PCDHGA2: variants seen among roughly 807,000 people sequenced by gnomAD.
PCDHGA2 encodes protocadherin gamma subfamily A, 2, also known as protocadherin gamma-A2.
In PCDHGA2, 40 loss-of-function variants were observed where a neutral mutation model predicts 59.2. The ratio of observed to expected loss-of-function variants is 0.68; its 90% CI spans 0.52 to 0.88. The LOEUF is 0.88. Ranked by LOEUF, PCDHGA2 falls within the 40% of genes least tolerant of loss-of-function variation. The pLI, the probability that PCDHGA2 is intolerant of heterozygous loss-of-function variation, is 0.00. For synonymous variants in PCDHGA2, 560 were observed against 526.0 expected (o/e 1.06, Z -0.89); for missense variants, 1,226 against 1,204.0 (o/e 1.02, Z -0.27).
At chr5:141,406,072 C>CTT (rs530474569) in intron 1 of PCDHGA2, among the ~76,000 whole-genome samples, 28 of 141,510 alleles carry the variant, frequency 2.0e-4, no homozygotes, top group East Asian at 4.1e-4. Context: ...ATTCTTACTC[C>CTT]TTTTTTTTTT....
chr5:141,364,955 G>T (rs267600453), intron 1 of PCDHGA2: 1 of 1,613,906 alleles, frequency 6.2e-7, no homozygotes, highest in East Asian at 2.2e-5. Context: ...GACTGTTCAC[G>T]ACCTCCTCCT....
chr5:141,432,452 C>G lies in PCDHGA2; in HGVS notation c.2425-62355C>G. The G allele has an allele frequency of 6.2e-7, 1 of 1,614,212 alleles. No individual in the cohort carries two copies. The highest frequency in any genetic ancestry group is 8.5e-7 in the Non-Finnish European group (1 of 1,180,042). On this transcript the variant is annotated intron_variant, in intron 1 of 3. Coordinates refer to ENST00000394576, the MANE Select transcript of PCDHGA2 (RefSeq NM_018915.4). The surrounding 1 kb of genome is among the most constrained non-coding windows in gnomAD (Gnocchi z 6.0). ...CGACAATGCGCCCGAGATCCTGTACCCCGCCCTCCCCACGGACGGTTCCAC... is the reference window on the plus strand; with the variant it reads ...CGACAATGCGCCCGAGATCCTGTACGCCGCCCTCCCCACGGACGGTTCCAC...
intron 1 of PCDHGA2, chr5:141,423,241 G>C: frequency 6.2e-7 from 1 of 1,613,954 alleles, no homozygotes; most frequent in Non-Finnish European, 8.5e-7. Context: ...CATCCCCGAA[G>C]TCCTGGCGGA....
chr5:141,478,100 C>T, intron 1 of PCDHGA2: 1 of 1,614,124 alleles, frequency 6.2e-7, no homozygotes, highest in Non-Finnish European at 8.5e-7. Context: ...CACTGCTACC[C>T]TCACTGTGTC....
chr5:141,419,300 T>G (rs2096356436), intron 1 of PCDHGA2: 3 of 1,613,998 alleles, frequency 1.9e-6, no homozygotes, highest in Non-Finnish European at 2.5e-6. Context: ...TGACCCAGAC[T>G]TCGGGCTCAA....
chr5:141,374,464 T>C, intron 1 of PCDHGA2: 1 of 1,613,434 alleles, frequency 6.2e-7, no homozygotes, highest in Non-Finnish European at 8.5e-7. Flanking sequence ...TGGACATTAA[T>C]GACAATACAC....
chr5:141,456,746 T>C (rs548254725), intron 1 of PCDHGA2, among the ~76,000 whole-genome samples: 51 of 151,874 alleles, frequency 3.4e-4, no homozygotes, highest in African/African-American at 1.0e-3. Context: ...GGGAGCATCA[T>C]GAGGTCAGGA....
intron 1 of PCDHGA2, chr5:141,344,380 T>C (rs778980089): frequency 6.2e-7 from 1 of 1,612,874 alleles, no homozygotes; most frequent in African/African-American, 1.3e-5. Context: ...AAATTGAAAA[T>C]TTTTGAAGTA....
At chr5:141,348,095 G>A (rs1225557154) in intron 1 of PCDHGA2, among the ~76,000 whole-genome samples, 1 of 152,176 alleles carries the variant, frequency 6.6e-6, no homozygotes, top group African/African-American at 2.4e-5. Context: ...GAAATTGTTG[G>A]CTTATTCTGC....
rs755056097 is a variant in PCDHGA2 at position 141,340,090 on chromosome 5, T to C, written c.1119T>C (p.Asp373=). 6.8e-6 allele frequency: 11 copies of C among 1,614,024 alleles called. No homozygotes were observed. In the South Asian group the frequency reaches 7.7e-5, roughly 11 times the overall value. Residue 373 remains aspartate, a synonymous_variant, in exon 1 of 4, where the codon GAT becomes GAC. Transcript: ENST00000394576. ...GTIIGLFNVH[D]RDSGQNAFTT... ...TAATTGGGCTTTTTAATGTACATGA[T>C]AGAGACTCTGGGCAGAACGCATTCA...
Position 141,340,225 on chromosome 5 carries a change from C to T in PCDHGA2, c.1254C>T (p.Tyr418=). The change falls in exon 1 of 4, where the codon TAC becomes TAT. Residue 418 remains tyrosine, a synonymous_variant. Transcript: ENST00000394576. ...TTGACAGGGAACAGTTTTCCTTTTACAACATCACTCTAACCGCTAAAGATG... is the reference window on the plus strand; with the variant it reads ...TTGACAGGGAACAGTTTTCCTTTTATAACATCACTCTAACCGCTAAAGATG... ...RALDREQFSF[Y]NITLTAKDGG... 1 of 1,614,202 alleles carries T rather than the reference C, an allele frequency of 6.2e-7. No individual in the cohort carries two copies. The highest frequency in any genetic ancestry group is 8.5e-7 in the Non-Finnish European group (1 of 1,180,028).
intron 1 of PCDHGA2, chr5:141,351,507 T>A: frequency 2.5e-6 from 4 of 1,613,950 alleles, no homozygotes; most frequent in Non-Finnish European, 3.4e-6. Flanking sequence ...GACTACAACG[T>A]CACAATCATA....
In PCDHGA2 at chr5:141,431,643, A is replaced by G. The variant is rs528599572; in HGVS notation, c.2425-63164A>G. Reference sequence around the variant, plus strand: ...AAGGCGGCCCAAGTTTTCAAACTAGATTGTAATTCAGGGACAATATCAACA... The same window carrying G: ...AAGGCGGCCCAAGTTTTCAAACTAGGTTGTAATTCAGGGACAATATCAACA... On this transcript the variant is annotated intron_variant, in intron 1 of 3. Coordinates refer to ENST00000394576, the MANE Select transcript of PCDHGA2 (RefSeq NM_018915.4). The surrounding 1 kb of genome is among the most constrained non-coding windows in gnomAD (Gnocchi z 4.8). 5.0e-5 allele frequency: 81 copies of G among 1,614,240 alleles called. No individual in the cohort carries two copies. In the South Asian group the frequency reaches 7.4e-4, roughly 15 times the overall value.
chr5:141,399,775 G>A, intron 1 of PCDHGA2: 2 of 1,613,282 alleles, frequency 1.2e-6, no homozygotes, highest in Non-Finnish European at 1.7e-6. Flanking sequence ...GTTGGTGGGC[G>A]ACCGAAACGA....
chr5:141,409,130 G>T (rs1265386524), intron 1 of PCDHGA2: 1 of 1,613,994 alleles, frequency 6.2e-7, no homozygotes, highest in Admixed American at 1.7e-5. Context: ...ATTTGATTTT[G>T]AAGATGTAGA....
In PCDHGA2 at chr5:141,432,357, T is replaced by C. The variant is rs778669079; in HGVS notation, c.2425-62450T>C. 6.2e-7 allele frequency: 1 copy of C among 1,614,244 alleles called. No homozygotes were observed. Among genetic ancestry groups the C allele is most frequent in the African/African-American group, 1.3e-5 (1 of 75,072 alleles). The stretch of plus-strand genomic sequence containing the variant: ...TTCCGAGACTTGCAAGTGAAAGTGA[T>C]GGCGCGGGACAACGGGCACCCGCCC... On this transcript the variant is annotated intron_variant, in intron 1 of 3. Coordinates refer to ENST00000394576, the MANE Select transcript of PCDHGA2 (RefSeq NM_018915.4). This position sits in a 1 kb window ranked among gnomAD's most constrained non-coding sequence, Gnocchi z 6.0.
chr5:141,420,229 C>A (rs1206296211), intron 1 of PCDHGA2: 1 of 1,600,344 alleles, frequency 6.2e-7, no homozygotes, highest in South Asian at 1.1e-5. Flanking sequence ...TACTGGCTAG[C>A]ATTTTAACTC....
intron 1 of PCDHGA2, among the ~76,000 whole-genome samples, chr5:141,471,076 T>C (rs1463083616): frequency 1.5e-5 from 2 of 136,094 alleles, no homozygotes; most frequent in Non-Finnish European, 3.1e-5. Context: ...TGAGACAGGG[T>C]CTCCCTCTGT....
At chr5:141,371,577 G>C (rs202142331) in intron 1 of PCDHGA2, 2 of 1,613,866 alleles carry the variant, frequency 1.2e-6, no homozygotes, top group Admixed American at 3.3e-5. Flanking sequence ...CTTTAAAATC[G>C]TTCAAGATAC....
Sources: allele counts gnomAD v4.1 joint callset (sites outside exome capture counted in the v4.1 genomes callset), GRCh38; gene constraint gnomAD v4.1.1; non-coding constraint Gnocchi (gnomAD v3.1); transcripts MANE v1.5; gene names NCBI Gene and HGNC (gene_info 2026-07-23, HGNC 2026-07-21).